STAG2: variants seen among roughly 807,000 people sequenced by gnomAD.
The protein encoded by STAG2 is cohesin subunit SA-2.
Under a neutral mutation model 108.1 loss-of-function variants are expected in STAG2, and 14 were observed. The ratio of observed to expected loss-of-function variants is 0.13; its 90% CI spans 0.09 to 0.20. STAG2 has a LOEUF of 0.20. Ranked by LOEUF, STAG2 falls within the 10% of genes least tolerant of loss-of-function variation. The pLI, the probability that STAG2 is intolerant of heterozygous loss-of-function variation, is 1.00. For missense variants in STAG2, 440 were observed against 940.9 expected, an observed-to-expected ratio of 0.47 and a Z score of 6.96; for synonymous variants, 307 against 302.7, an observed-to-expected ratio of 1.01 and a Z score of -0.15.
At chrX:123,969,806 C>T (rs376735634) in intron 1 of STAG2, among the ~76,000 whole-genome samples, 24 of 109,679 alleles carry the variant, frequency 2.2e-4, no homozygotes, top group African/African-American at 4.6e-4. Context: ...CCACCACACC[C>T]GGCTAATTTT....
At chrX:123,978,049 G>C (rs1469780629) in intron 1 of STAG2, among the ~76,000 whole-genome samples, 1 of 108,288 alleles carries the variant, frequency 9.2e-6, no homozygotes, top group African/African-American at 3.4e-5. Context: ...TAACCATATT[G>C]CTTAGGCTGG....
intron 27 of STAG2, 26 bp downstream of exon 27, chrX:124,078,084 G>T: frequency 1.9e-6 from 2 of 1,074,362 alleles, no homozygotes; most frequent in Non-Finnish European, 2.6e-6. Flanking sequence ...ACCAACTTTA[G>T]CTAACACAAT....
intron 34 of STAG2, among the ~76,000 whole-genome samples, chrX:124,099,470 G>C (rs2059460206): frequency 9.0e-6 from 1 of 111,332 alleles, no homozygotes; most frequent in Admixed American, 9.6e-5. Flanking sequence ...GAGGACAAGG[G>C]ATTAGTAGTG....
At chrX:123,963,154 G>C (rs2053944546) in intron 1 of STAG2, 1 of 111,234 alleles carries the variant, frequency 9.0e-6, no homozygotes, top group Non-Finnish European at 1.9e-5. Context: ...AAAGAGTCGG[G>C]TTACCGAAGT....
intron 23 of STAG2, 70 bp from the exon 24 acceptor site, chrX:124,068,494 A>T: frequency 1.4e-6 from 1 of 707,161 alleles, no homozygotes; most frequent in Non-Finnish European, 2.1e-6. Flanking sequence ...TACATAATTG[A>T]AAACATTTTA....
chrX:123,961,612 G>T (rs2053860344), upstream of STAG2: 2 of 108,873 alleles, frequency 1.8e-5, no homozygotes, highest in African/African-American at 6.7e-5. Context: ...CGGACCGAGG[G>T]AGGCGAGGGA....
chrX:124,013,139 G>A, intron 1 of STAG2, among the ~76,000 whole-genome samples: 1 of 111,250 alleles, frequency 9.0e-6, no homozygotes, highest in East Asian at 2.8e-4. Context: ...TTTGATTTTT[G>A]GATCTGGATA....
At chrX:123,980,006 G>A (rs2054800437) in intron 1 of STAG2, among the ~76,000 whole-genome samples, 1 of 111,992 alleles carries the variant, frequency 8.9e-6, no homozygotes, top group South Asian at 3.6e-4. Context: ...TTAATATTTT[G>A]ATAGCACATA....
Position 124,100,884 on chromosome X carries a change from A to T in STAG2, c.*287A>T, listed in dbSNP as rs777598779. 5.4e-3 allele frequency: 423 copies of T among 77,910 alleles called. No individual in the cohort carries two copies. The highest frequency in any genetic ancestry group is 6.7e-3 in the Non-Finnish European group (238 of 35,540). 6.4% of individuals were successfully genotyped at this position (77,910 alleles called of 1,213,427 possible). ...AATCGATTATTTCATGCTTTTTTTTAAAAAAAAAAAAAAACAAAATAACAA... is the reference window on the plus strand; with the variant it reads ...AATCGATTATTTCATGCTTTTTTTTTAAAAAAAAAAAAAACAAAATAACAA... On this transcript the variant is annotated 3_prime_UTR_variant, in exon 35 of 35. Coordinates refer to ENST00000371145, the MANE Select transcript of STAG2 (RefSeq NM_001042750.2).
chrX:123,977,832 GTTTTTTTTTTT>G (rs35569156), intron 1 of STAG2, among the ~76,000 whole-genome samples: 9 of 38,559 alleles, frequency 2.3e-4, no homozygotes, highest in African/African-American at 7.1e-4. Flanking sequence ...GTTCCCAAGT[GTTTTTTTTTTT>G]TTTTTTTTTT....
rs535037822 is a variant in STAG2 at position 124,052,070 on chromosome X, T to C, written c.1196+676T>C. On this transcript the variant is annotated intron_variant, in intron 13 of 34. Transcript: ENST00000371145. ...TGAGCATTTATAAGAATGTCTGTTA[T>C]ACTTCTCATAGCACCTTTAAACAAT... 1.3e-4 allele frequency among the ~76,000 whole-genome samples: 15 copies of C among 112,603 alleles called. No individual in the cohort carries two copies. The South Asian group carries it at 4.8e-3, about 36-fold the overall frequency.
chrX:124,002,792 T>TTTTCTTTC (rs370929220), intron 1 of STAG2, among the ~76,000 whole-genome samples: 1 of 106,080 alleles, frequency 9.4e-6, no homozygotes, highest in South Asian at 4.2e-4. Flanking sequence ...GCTTGGCAAT[T>TTTTCTTTC]TTTCTTTCTT....
At position 124,025,757 on chromosome X, in the gene STAG2, T is replaced by C. The variant is rs1438651879; in HGVS notation, c.45-83T>C. 4 of 691,595 alleles carry C rather than the reference T, an allele frequency of 5.8e-6. No homozygotes were observed. The Admixed American group carries it at 1.0e-4, about 18-fold the overall frequency. The allele number at this position is 691,595 out of a possible 1,213,427, so 57.0% of individuals were successfully genotyped here. On this transcript the variant is annotated intron_variant, in intron 3 of 34. Coordinates refer to ENST00000371145, the MANE Select transcript of STAG2 (RefSeq NM_001042750.2). ...AGTTTTGTAATGAGTTAACCAAGCC[T>C]TTCTTTTAGAAAATATGGCAAAAAT...
intron 1 of STAG2, among the ~76,000 whole-genome samples, chrX:124,015,595 G>C (rs960489755): frequency 4.6e-5 from 5 of 109,280 alleles, no homozygotes; most frequent in Non-Finnish European, 7.6e-5. Flanking sequence ...TGTTGGTCTT[G>C]AACTCCTGAC....
intron 21 of STAG2, 36 bp downstream of exon 21, chrX:124,065,982 C>T: frequency 1.8e-6 from 2 of 1,094,497 alleles, no homozygotes; most frequent in South Asian, 2.2e-5. Flanking sequence ...TTTCTTAAAT[C>T]TGTAGAAATA....
chrX:124,045,774 A>G (rs1293185517), intron 8 of STAG2, among the ~76,000 whole-genome samples: 3 of 111,057 alleles, frequency 2.7e-5, no homozygotes, highest in African/African-American at 9.8e-5. Context: ...TTTTTGAAAG[A>G]TATGTTACCA....
At chrX:124,018,481 G>C in intron 1 of STAG2, among the ~76,000 whole-genome samples, 1 of 110,487 alleles carries the variant, frequency 9.1e-6, no homozygotes, top group South Asian at 3.8e-4. Context: ...TGGATGGATG[G>C]ATGGACAGAC....
chrX:124,025,091 T>C (rs2057051095), intron 3 of STAG2, among the ~76,000 whole-genome samples: 1 of 111,506 alleles, frequency 9.0e-6, no homozygotes, highest in African/African-American at 3.2e-5. Context: ...GACAGTTGTT[T>C]AGGACTATAG....
At chrX:124,044,828 G>A (rs1341036458) in intron 7 of STAG2, among the ~76,000 whole-genome samples, 1 of 111,476 alleles carries the variant, frequency 9.0e-6, no homozygotes, top group Non-Finnish European at 1.9e-5. Flanking sequence ...TTTTGGTTTG[G>A]TTTGGGTTTG....
Sources: allele counts gnomAD v4.1 joint callset (sites outside exome capture counted in the v4.1 genomes callset), GRCh38; gene constraint gnomAD v4.1.1; transcripts MANE v1.5; gene names NCBI Gene and HGNC (gene_info 2026-07-23, HGNC 2026-07-21).